Variants in ENTHD1 observed in about 807,000 individuals in gnomAD.
ENTHD1 encodes ENTH domain containing 1.
Under a neutral mutation model 39.1 loss-of-function variants are expected in ENTHD1, and 23 were observed. The ratio of observed to expected loss-of-function variants is 0.59; its 90% CI spans 0.42 to 0.83. ENTHD1 has a LOEUF of 0.83. ENTHD1 is among the 40% of genes least tolerant of loss of function. ENTHD1 has a pLI of 0.00. For synonymous variants in ENTHD1, 230 were observed against 258.2 expected, an observed-to-expected ratio of 0.89 and a Z score of 1.05; for missense variants, 624 against 705.4, an observed-to-expected ratio of 0.88 and a Z score of 1.31.
At chr22:39,748,088 G>A (rs2065120280) in intron 6 of ENTHD1, among the ~76,000 whole-genome samples, 1 of 151,894 alleles carries the variant, frequency 6.6e-6, no homozygotes, top group Admixed American at 6.6e-5. Context: ...TTCTCTACAA[G>A]AAGTACAAAA....
intron 5 of ENTHD1, among the ~76,000 whole-genome samples, chr22:39,788,113 A>G (rs2146596020): frequency 6.6e-6 from 1 of 152,296 alleles, no homozygotes; most frequent in Non-Finnish European, 1.5e-5. Flanking sequence ...TGGATCAAAA[A>G]GTCATTTTGA....
At chr22:39,891,701 C>A (rs1051338465) in intron 1 of ENTHD1, among the ~76,000 whole-genome samples, 1 of 151,306 alleles carries the variant, frequency 6.6e-6, no homozygotes, top group African/African-American at 2.4e-5. Context: ...TCATTGCAAC[C>A]TCCACCTCCC....
chr22:39,748,162 C>T (rs1337747792), intron 6 of ENTHD1, among the ~76,000 whole-genome samples: 5 of 151,550 alleles, frequency 3.3e-5, no homozygotes, highest in African/African-American at 1.2e-4. Flanking sequence ...AGTGGGAGGA[C>T]CACCTGAGCC....
At chr22:39,832,552 A>C (rs2065877129) in intron 4 of ENTHD1, among the ~76,000 whole-genome samples, 1 of 152,196 alleles carries the variant, frequency 6.6e-6, no homozygotes, top group Non-Finnish European at 1.5e-5. Flanking sequence ...ATGTTTTAAG[A>C]GCTATATGCT....
intron 1 of ENTHD1, among the ~76,000 whole-genome samples, chr22:39,890,401 C>T (rs1197391611): frequency 1.3e-5 from 2 of 151,900 alleles, no homozygotes; most frequent in East Asian, 3.9e-4. Flanking sequence ...TTCTACCAAA[C>T]TCACTCAATG....
rs746107239 is a variant in ENTHD1 at position 39,887,620 on chromosome 22, CAA to C, written c.127_128del (p.Leu43AspfsTer20). The stretch of plus-strand genomic sequence containing the variant: ...CTGAGAGAGAAATTGTGTTGAAAGT[CAA>C]GTCACTGATATCTAACATCAGAGAA... ...SSSLMLDISDLTFNTISLSEI... is the reference protein window; with the variant it reads ...SSSLMLDISDXTFNTISLSEI... On this transcript the variant is annotated frameshift_variant, in exon 2 of 7. Transcript: ENST00000325157. LOFTEE classifies it high-confidence loss of function. The C allele has an allele frequency of 1.2e-6, 2 of 1,614,130 alleles. No individual in the cohort carries two copies. The highest frequency in any genetic ancestry group is 3.3e-5 in the Admixed American group (2 of 60,026).
In ENTHD1 at chr22:39,744,223, A is replaced by G. The variant is rs115673469; in HGVS notation, c.1280T>C (p.Leu427Ser). 3 of 1,613,900 alleles carry G rather than the reference A, an allele frequency of 1.9e-6. No individual in the cohort carries two copies. The highest frequency in any genetic ancestry group is 2.7e-5 in the African/African-American group (2 of 75,050). Reference sequence around the variant, plus strand: ...ATGAGCTGACTTCTCTGGAGAGGCTAAATCAGGAGATGACATGGATAAAGG... The same window carrying G: ...ATGAGCTGACTTCTCTGGAGAGGCTGAATCAGGAGATGACATGGATAAAGG... Reference protein sequence around the residue: ...FSPLSMSSPDLASPEKSAHLL... With the variant: ...FSPLSMSSPDSASPEKSAHLL... Residue 427 changes from leucine (L) to serine (S), a missense_variant, in exon 7 of 7, where the codon TTA becomes TCA. Physicochemically the swap from Leu to Ser is moderately radical, Grantham distance 145. Transcript: ENST00000325157.
chr22:39,791,378 G>T (rs960508353), intron 5 of ENTHD1, among the ~76,000 whole-genome samples: 4 of 150,410 alleles, frequency 2.7e-5, no homozygotes, highest in South Asian at 2.1e-4. Context: ...TTAAAGATTA[G>T]ACTTCATATC....
chr22:39,814,864 T>C (rs1418726872), intron 5 of ENTHD1, among the ~76,000 whole-genome samples: 2 of 152,128 alleles, frequency 1.3e-5, no homozygotes, highest in South Asian at 2.1e-4. Context: ...TAACACAAGA[T>C]ACATATGAAA....
chr22:39,863,559 C>T (rs2066161186), intron 2 of ENTHD1, among the ~76,000 whole-genome samples: 1 of 152,220 alleles, frequency 6.6e-6, no homozygotes, highest in South Asian at 2.1e-4. Flanking sequence ...ATAACTCACT[C>T]GAATATAAGG....
intron 6 of ENTHD1, among the ~76,000 whole-genome samples, chr22:39,758,607 G>C (rs544167044): frequency 5.9e-5 from 9 of 151,912 alleles, no homozygotes; most frequent in Non-Finnish European, 1.2e-4. Context: ...TAAATTTTTT[G>C]TAGAGACAGG....
At chr22:39,888,722 G>A (rs113555056) in intron 1 of ENTHD1, among the ~76,000 whole-genome samples, 9,136 of 152,012 alleles carry the variant, frequency 0.06, 381 homozygotes, top group South Asian at 0.12. Context: ...CACCGCTTCC[G>A]GCCTGCCTGG....
At chr22:39,767,450 C>T (rs888491534) in intron 5 of ENTHD1, among the ~76,000 whole-genome samples, 1 of 152,004 alleles carries the variant, frequency 6.6e-6, no homozygotes, top group African/African-American at 2.4e-5. Flanking sequence ...ATTGTGAGAC[C>T]CCATTTCTAT....
Position 39,751,641 on chromosome 22 carries a change from A to G in ENTHD1, c.1220-7358T>C, listed in dbSNP as rs1310338643. 2.0e-5 allele frequency among the ~76,000 whole-genome samples: 3 copies of G among 152,296 alleles called. No homozygotes were observed. In the East Asian group the frequency reaches 5.8e-4, roughly 29 times the overall value. ...TTGAATCTTTTAAAAATTGGTATTG[A>G]TCTGGTTTACTTGGCTTCCAGCAAT... On this transcript the variant is annotated intron_variant, in intron 6 of 6. Transcript: ENST00000325157.
At chr22:39,746,566 C>T (rs912573274) in intron 6 of ENTHD1, among the ~76,000 whole-genome samples, 2 of 152,158 alleles carry the variant, frequency 1.3e-5, no homozygotes, top group African/African-American at 2.4e-5. Context: ...TTGAAAGGAA[C>T]GTTGAGTGTG....
At chr22:39,864,937 T>C (rs1190414804) in intron 2 of ENTHD1, among the ~76,000 whole-genome samples, 3 of 152,104 alleles carry the variant, frequency 2.0e-5, no homozygotes, top group African/African-American at 7.2e-5. Context: ...CATAAAGGAA[T>C]AAATTACCAA....
intron 2 of ENTHD1, among the ~76,000 whole-genome samples, chr22:39,879,664 T>C (rs1022934887): frequency 6.6e-6 from 1 of 152,046 alleles, no homozygotes; most frequent in Non-Finnish European, 1.5e-5. Flanking sequence ...GGAACTCTCA[T>C]TATTGCTGGT....
At chr22:39,883,937 G>C (rs777549868) in intron 2 of ENTHD1, among the ~76,000 whole-genome samples, 4 of 150,394 alleles carry the variant, frequency 2.7e-5, no homozygotes, top group Non-Finnish European at 5.9e-5. Flanking sequence ...TTTCAGAAAT[G>C]CAAGAACTTC....
At chr22:39,868,442 T>C (rs2066208690) in intron 2 of ENTHD1, among the ~76,000 whole-genome samples, 2 of 148,854 alleles carry the variant, frequency 1.3e-5, no homozygotes, top group African/African-American at 4.9e-5. Context: ...AATTCTAAAA[T>C]ACACATTTTT....
Sources: allele counts gnomAD v4.1 joint callset (sites outside exome capture counted in the v4.1 genomes callset), GRCh38; gene constraint gnomAD v4.1.1; transcripts MANE v1.5; gene names NCBI Gene and HGNC (gene_info 2026-07-23, HGNC 2026-07-21).